KLHL2: variants seen among roughly 807,000 people sequenced by gnomAD.
The protein encoded by KLHL2 is kelch-like protein 2.
A neutral mutation model predicts 75.8 loss-of-function variants in KLHL2; 15 were observed. The observed-to-expected ratio is 0.20, with a 90% CI of 0.13 to 0.30. KLHL2 has a LOEUF of 0.30. KLHL2 is among the 10% of genes least tolerant of loss of function. The pLI is 1.00. For synonymous variants in KLHL2, 214 were observed against 251.9 expected, an observed-to-expected ratio of 0.85 and a Z score of 1.42; for missense variants, 381 against 741.0, an observed-to-expected ratio of 0.51 and a Z score of 5.64.
intron 4 of KLHL2, among the ~76,000 whole-genome samples, chr4:165,257,261 A>G (rs1184451295): frequency 2.6e-5 from 4 of 152,254 alleles, no homozygotes; most frequent in Non-Finnish European, 5.9e-5. Flanking sequence ...AAACCGGTTC[A>G]TAGGTGCAGT....
In KLHL2 at chr4:165,207,892, C is replaced by T. The variant is rs1246584688; in HGVS notation, c.16C>T (p.Leu6=). 2.1e-6 allele frequency: 3 copies of T among 1,439,430 alleles called. No homozygotes were observed. The East Asian group carries it at 9.9e-5, about 48-fold the overall frequency. The allele number at this position is 1,439,430 out of a possible 1,614,324, so 89.2% of individuals were successfully genotyped here. ...AGGAGCCACAATGGAGACGCCGCCG[C>T]TGCCTCCCGCGTGAGTGAGCGGGCG... METPP[L]PPACTKQGHQ... is the part of the protein sequence containing the mutation. Residue 6 remains leucine (L), a synonymous_variant, in exon 1 of 15, where the codon CTG becomes TTG. Transcript: ENST00000226725. The surrounding 1 kb of genome is among the most constrained non-coding windows in gnomAD (Gnocchi z 4.2).
intron 4 of KLHL2, among the ~76,000 whole-genome samples, chr4:165,258,243 A>G (rs1159068829): frequency 6.6e-6 from 1 of 152,210 alleles, no homozygotes; most frequent in Non-Finnish European, 1.5e-5. Flanking sequence ...CAAAATATAT[A>G]TCAAATTATA....
At chr4:165,237,519 C>T (rs1227339102) in intron 3 of KLHL2, among the ~76,000 whole-genome samples, 4 of 151,570 alleles carry the variant, frequency 2.6e-5, no homozygotes, top group South Asian at 2.1e-4. Context: ...CAGGGAAGCA[C>T]GCAGTTTTGT....
intron 5 of KLHL2, among the ~76,000 whole-genome samples, chr4:165,264,721 C>CATATATATATATATATATATAT (rs1187856274): frequency 1.4e-5 from 1 of 71,198 alleles, no homozygotes; most frequent in Non-Finnish European, 2.6e-5. Flanking sequence ...TATATATATA[C>CATATATATATATATATATATAT]ATATATATAT....
At chr4:165,277,785 A>ACACACACACC (rs1204584506) in intron 5 of KLHL2, 174 of 603,018 alleles carry the variant, frequency 2.9e-4, no homozygotes, top group African/African-American at 2.6e-3. Flanking sequence ...ACACACACAC[A>ACACACACACC]CCAAATATTT....
intron 5 of KLHL2, among the ~76,000 whole-genome samples, chr4:165,273,838 T>A (rs1742874658): frequency 6.6e-6 from 1 of 152,242 alleles, no homozygotes; most frequent in Admixed American, 6.5e-5. Flanking sequence ...TTCTTGACAT[T>A]TTAAGCAAAT....
chr4:165,294,918 G>A (rs1178895052), intron 6 of KLHL2, among the ~76,000 whole-genome samples: 1 of 152,120 alleles, frequency 6.6e-6, no homozygotes, highest in Admixed American at 6.6e-5. Context: ...CGAAGTTTTG[G>A]TAGTTCTAGA....
At chr4:165,213,403 C>G (rs1243171768) in intron 1 of KLHL2, among the ~76,000 whole-genome samples, 1 of 152,198 alleles carries the variant, frequency 6.6e-6, no homozygotes, top group African/African-American at 2.4e-5. Context: ...TCATCATGTG[C>G]TTTTAAAACT....
chr4:165,319,718 T>G lies in KLHL2; in HGVS notation c.1753+1749T>G, dbSNP rs1483599598. On this transcript the variant is annotated intron_variant, in intron 14 of 14. Transcript: ENST00000226725. This position sits in a 1 kb window ranked among gnomAD's most constrained non-coding sequence, Gnocchi z 4.5. ...ATCACTGCAACCTCCGCCTCCCAGA[T>G]TCAAACGATTCTCATGCCTCAGCTT... Among the ~76,000 whole-genome samples, 1 of 152,134 alleles carries G rather than the reference T, an allele frequency of 6.6e-6. No homozygotes were observed. The highest frequency in any genetic ancestry group is 1.5e-5 in the Non-Finnish European group (1 of 68,024).
intron 5 of KLHL2, among the ~76,000 whole-genome samples, chr4:165,264,766 A>ATATATATATATT (rs1560784444): frequency 1.0e-5 from 1 of 95,722 alleles, no homozygotes; most frequent in African/African-American, 5.5e-5. Context: ...ATATATATAT[A>ATATATATATATT]AAACATTATC....
chr4:165,277,825 T>A (rs1743262085), intron 5 of KLHL2: 4 of 675,992 alleles, frequency 5.9e-6, no homozygotes, highest in Admixed American at 2.3e-5. Flanking sequence ...GCATTTTCTT[T>A]ATTTTAAGCC....
At chr4:165,214,724 T>C (rs548182040) in intron 1 of KLHL2, among the ~76,000 whole-genome samples, 1 of 152,326 alleles carries the variant, frequency 6.6e-6, no homozygotes, top group Non-Finnish European at 1.5e-5. Flanking sequence ...GCTCTGCTTT[T>C]TAACTGCTAA....
At chr4:165,294,912 GT>G (rs1437277209) in intron 6 of KLHL2, among the ~76,000 whole-genome samples, 12 of 152,198 alleles carry the variant, frequency 7.9e-5, no homozygotes, top group Admixed American at 7.9e-4. Flanking sequence ...GGATGGCGAA[GT>G]TTTGGTAGTT....
intron 4 of KLHL2, among the ~76,000 whole-genome samples, chr4:165,260,691 A>G (rs1741597424): frequency 6.6e-6 from 1 of 152,146 alleles, no homozygotes; most frequent in Non-Finnish European, 1.5e-5. Context: ...GAATGACTGC[A>G]ATTGAATGGA....
chr4:165,265,971 A>G, intron 5 of KLHL2, among the ~76,000 whole-genome samples: 1 of 152,024 alleles, frequency 6.6e-6, no homozygotes, highest in Non-Finnish European at 1.5e-5. Context: ...TCCACATCCT[A>G]TCCAGCACCT....
At chr4:165,278,139 A>T (rs765149497) in intron 5 of KLHL2, 2 of 1,527,968 alleles carry the variant, frequency 1.3e-6, no homozygotes, top group Non-Finnish European at 1.8e-6. Flanking sequence ...GCTTTCTTCC[A>T]TGTAGAATAA....
chr4:165,221,736 A>G (rs924202345), intron 2 of KLHL2, among the ~76,000 whole-genome samples: 9 of 152,192 alleles, frequency 5.9e-5, no homozygotes, highest in Non-Finnish European at 8.8e-5. Context: ...GGATCATTTA[A>G]TTTGCTTTCT....
At chr4:165,259,028 A>G (rs1741432357) in intron 4 of KLHL2, among the ~76,000 whole-genome samples, 1 of 152,184 alleles carries the variant, frequency 6.6e-6, no homozygotes, top group South Asian at 2.1e-4. Context: ...TTGAGAAGGA[A>G]TGTTTATATT....
At chr4:165,293,425 C>T (rs184477845) in intron 5 of KLHL2, among the ~76,000 whole-genome samples, 59 of 151,924 alleles carry the variant, frequency 3.9e-4, no homozygotes, top group Admixed American at 3.8e-3. Flanking sequence ...GGCATAAAAT[C>T]CTGGAATTTG....
Sources: gnomAD v4.1 joint callset for allele counts (sites outside exome capture counted in the v4.1 genomes callset) on GRCh38, gnomAD v4.1.1 for gene constraint, Gnocchi (gnomAD v3.1) non-coding constraint, MANE v1.5 for transcripts, NCBI Gene and HGNC (gene_info 2026-07-23, HGNC 2026-07-21) for gene names.